Variants in TCF4 observed in about 807,000 individuals in gnomAD.
TCF4 encodes transcription factor 4.
TCF4 carries 3 observed loss-of-function variants against 82.1 expected under a neutral mutation model. The ratio of observed to expected loss-of-function variants is 0.04; its 90% confidence interval spans 0.02 to 0.09. TCF4 has a LOEUF of 0.09. Ranked by LOEUF, TCF4 falls within the 10% of genes least tolerant of loss-of-function variation. The probability of loss-of-function intolerance (pLI) is 1.00; values close to 1 mark genes in which losing one functional copy is unlikely to be tolerated. For synonymous variants in TCF4, 276 were observed against 309.6 expected (o/e 0.89, Z 1.14); for missense variants, 518 against 852.7 (o/e 0.61, Z 4.89).
At chr18:55,306,245 G>T (rs917063763) in intron 8 of TCF4, among the ~76,000 whole-genome samples, 5 of 152,088 alleles carry the variant, frequency 3.3e-5, no homozygotes, top group Non-Finnish European at 5.9e-5. Flanking sequence ...TTTTTTCAGG[G>T]TGTAGTACTG....
At chr18:55,425,592 A>G (rs996032711) in intron 5 of TCF4, among the ~76,000 whole-genome samples, 23 of 151,886 alleles carry the variant, frequency 1.5e-4, no homozygotes, top group African/African-American at 5.3e-4. Flanking sequence ...TTGAATGAGT[A>G]TATCTTTTCC....
intron 2 of TCF4, chr18:55,596,091 C>A: frequency 2.3e-6 from 1 of 438,334 alleles, no homozygotes; most frequent in Non-Finnish European, 4.6e-6. Flanking sequence ...AAATTAGCCT[C>A]GAGTGATGAC....
chr18:55,547,471 C>A (rs763590521), intron 3 of TCF4, among the ~76,000 whole-genome samples: 1 of 152,276 alleles, frequency 6.6e-6, no homozygotes, highest in South Asian at 2.1e-4. Context: ...AAGATCTAAT[C>A]AATACAGAGC....
At chr18:55,615,157 A>G (rs2097710638) in intron 2 of TCF4, among the ~76,000 whole-genome samples, 1 of 152,094 alleles carries the variant, frequency 6.6e-6, no homozygotes, top group East Asian at 1.9e-4. Context: ...TGTTGAATCT[A>G]TAGATTAATT....
At chr18:55,379,481 C>G (rs2091501431) in intron 6 of TCF4, among the ~76,000 whole-genome samples, 1 of 152,120 alleles carries the variant, frequency 6.6e-6, no homozygotes, top group Non-Finnish European at 1.5e-5. Flanking sequence ...GAGTGTGTCC[C>G]TGGGAAGCAG....
chr18:55,293,986 A>G (rs1261434945), intron 8 of TCF4, among the ~76,000 whole-genome samples: 1 of 98,670 alleles, frequency 1.0e-5, no homozygotes, highest in Non-Finnish European at 1.9e-5. Flanking sequence ...TTGGCCAGGC[A>G]TTGTGGTTCA....
At chr18:55,479,958 T>G (rs2096385614) in intron 3 of TCF4, among the ~76,000 whole-genome samples, 1 of 152,202 alleles carries the variant, frequency 6.6e-6, no homozygotes, top group Non-Finnish European at 1.5e-5. Context: ...ACTATCCTTC[T>G]TTCCCTTTCA....
intron 15 of TCF4, among the ~76,000 whole-genome samples, chr18:55,251,930 GTTTTT>G (rs199695068): frequency 3.0e-5 from 3 of 101,270 alleles, no homozygotes; most frequent in African/African-American, 7.5e-5. Context: ...GGGGGATGAG[GTTTTT>G]TTTTTTTTTT....
At chr18:55,480,741 C>A (rs1284990875) in intron 3 of TCF4, among the ~76,000 whole-genome samples, 1 of 152,206 alleles carries the variant, frequency 6.6e-6, no homozygotes, top group Admixed American at 6.5e-5. Flanking sequence ...ATCAAACAAA[C>A]CCTAGTATCA....
At chr18:55,293,931 CT>C (rs781150808) in intron 8 of TCF4, among the ~76,000 whole-genome samples, 2 of 40,054 alleles carry the variant, frequency 5.0e-5, no homozygotes, top group East Asian at 1.4e-3. Context: ...TTTCCAAGGA[CT>C]TTTTTTTTTT....
intron 8 of TCF4, among the ~76,000 whole-genome samples, chr18:55,339,377 A>G (rs1438411595): frequency 1.3e-5 from 2 of 152,204 alleles, no homozygotes; most frequent in African/African-American, 2.4e-5. Flanking sequence ...TACTTGCCAT[A>G]AAAAGCCAAA....
At chr18:55,635,721 G>A (rs945662652) in exon 1 of TCF4, 1 of 1,550,102 alleles carries the variant, frequency 6.5e-7, no homozygotes, top group South Asian at 1.2e-5. Flanking sequence ...GCCTCCTGGA[G>A]AAGCTCGAGT....
chr18:55,534,428 ATAAG>A (rs1390067131), intron 3 of TCF4, among the ~76,000 whole-genome samples: 9 of 152,264 alleles, frequency 5.9e-5, no homozygotes, highest in African/African-American at 1.9e-4. Context: ...GAAGAGACAC[ATAAG>A]TGAGGGATGG....
chr18:55,585,225 A>G, intron 3 of TCF4, 55 bp downstream of exon 3: 1 of 1,518,206 alleles, frequency 6.6e-7, no homozygotes, highest in Non-Finnish European at 9.2e-7. Flanking sequence ...CATACAATTG[A>G]GTAAATAAAC....
At chr18:55,421,796 T>A (rs143067123) in intron 5 of TCF4, among the ~76,000 whole-genome samples, 27 of 152,288 alleles carry the variant, frequency 1.8e-4, no homozygotes, top group African/African-American at 5.8e-4. Context: ...AACTTTCAGT[T>A]TAACTTCAGG....
chr18:55,529,385 T>C (rs74548930), intron 3 of TCF4, among the ~76,000 whole-genome samples: 16,632 of 152,186 alleles, frequency 0.11, 1,230 homozygotes, highest in East Asian at 0.43. Flanking sequence ...TGATATTTCA[T>C]CCTTAAAAAA....
At chr18:55,575,003 A>G (rs968614416) in intron 3 of TCF4, among the ~76,000 whole-genome samples, 1 of 152,190 alleles carries the variant, frequency 6.6e-6, no homozygotes, top group African/African-American at 2.4e-5. Flanking sequence ...GCCTTAAACA[A>G]TTATGGACTA....
intron 3 of TCF4, among the ~76,000 whole-genome samples, chr18:55,509,386 T>C (rs1008488977): frequency 6.6e-6 from 1 of 151,920 alleles, no homozygotes; most frequent in African/African-American, 2.4e-5. Context: ...ACATACTCAG[T>C]TAAGATGCTG....
intron 6 of TCF4, among the ~76,000 whole-genome samples, chr18:55,378,638 C>A (rs906697128): frequency 2.0e-5 from 3 of 152,156 alleles, no homozygotes; most frequent in Non-Finnish European, 4.4e-5. Context: ...CCCAAGGCAT[C>A]CATTTAGTGT....
Sources: allele counts gnomAD v4.1 joint callset (sites outside exome capture counted in the v4.1 genomes callset), GRCh38; gene constraint gnomAD v4.1.1; transcripts MANE v1.5; gene names NCBI Gene and HGNC (gene_info 2026-07-23, HGNC 2026-07-21).